The following HHIPL1 variants were observed in gnomAD, a reference collection of about 807,000 sequenced individuals.
HHIPL1 encodes the protein HHIP-like protein 1.
A neutral mutation model predicts 61.8 loss-of-function variants in HHIPL1; 43 were observed. That is an observed-to-expected ratio of 0.70 (90% CI 0.55 to 0.90). The LOEUF is 0.90. Among genes scored for constraint, HHIPL1 ranks in the 40% least tolerant of loss-of-function variants. The probability of loss-of-function intolerance (pLI) is 0.00; values close to 1 mark genes in which losing one functional copy is unlikely to be tolerated. For missense variants in HHIPL1, 1,056 were observed against 1,157.7 expected (o/e 0.91, Z 1.28); for synonymous variants, 482 against 515.8 (o/e 0.93, Z 0.89).
intron 5 of HHIPL1, among the ~76,000 whole-genome samples, chr14:99,661,413 G>GAAA (rs1455552897): frequency 8.1e-5 from 12 of 148,358 alleles, no homozygotes; most frequent in African/African-American, 2.8e-4. Context: ...AAGAGAGAGA[G>GAAA]AGAGAAAAGA....
At chr14:99,629,782 C>A in the HHIPL1 span, among the ~76,000 whole-genome samples, 7 of 152,172 alleles carry the variant, frequency 4.6e-5, no homozygotes, top group African/African-American at 1.7e-4. Context: ...GGATTACAGG[C>A]GTAAGCCACC....
chr14:99,675,632 AC>A lies in HHIPL1; in HGVS notation c.*7del. 1.3e-6 allele frequency: 2 copies of A among 1,508,208 alleles called. No individual in the cohort carries two copies. The highest frequency in any genetic ancestry group is 1.8e-6 in the Non-Finnish European group (2 of 1,128,556). The allele number at this position is 1,508,208 out of a possible 1,614,324, so 93.4% of individuals were successfully genotyped here. The stretch of plus-strand genomic sequence containing the variant: ...ACCAGAACCCCGACCTGTAGGCAAC[AC>A]GCCGCTGCCCCAGGCCATCCCGCCG... On this transcript the variant is annotated 3_prime_UTR_variant, in exon 9 of 9. Transcript: ENST00000330710. This position sits in a 1 kb window ranked among gnomAD's most constrained non-coding sequence, Gnocchi z 5.4.
the HHIPL1 span, among the ~76,000 whole-genome samples, chr14:99,608,667 G>T: frequency 6.6e-6 from 1 of 152,218 alleles, no homozygotes. Context: ...AGGGTCCACT[G>T]AAAAGTGGTT....
intron 6 of HHIPL1, among the ~76,000 whole-genome samples, chr14:99,666,586 C>G (rs1417662710): frequency 6.6e-6 from 1 of 152,202 alleles, no homozygotes; most frequent in African/African-American, 2.4e-5. Flanking sequence ...GGTCGGTTGG[C>G]CAGATGAACC....
In HHIPL1 at chr14:99,675,251, G is replaced by A; in HGVS notation, c.1974G>A (p.Arg658=). Residue 658 remains arginine, a synonymous_variant, in exon 9 of 9, where the codon CGG becomes CGA. Coordinates refer to ENST00000330710, the MANE Select transcript of HHIPL1 (RefSeq NM_001127258.3). The surrounding 1 kb of genome is among the most constrained non-coding windows in gnomAD (Gnocchi z 5.4). The part of the protein sequence containing the change: ...PGSRRGGGRR[R]GRLNSASRAF... ...GCCGGAGGGGCGGCGGGCGGCGGCG[G>A]GGGCGGCTGAACTCGGCGAGCCGGG... 1 of 1,230,168 alleles carries A rather than the reference G, an allele frequency of 8.1e-7. No individual in the cohort carries two copies. 76.2% of individuals were successfully genotyped at this position (1,230,168 alleles called of 1,614,324 possible).
Position 99,677,748 on chromosome 14 carries a change from A to G in HHIPL1, c.*2122A>G, listed in dbSNP as rs2056405095. On this transcript the variant is annotated 3_prime_UTR_variant, in exon 9 of 9. Transcript: ENST00000330710. The surrounding 1 kb of genome is among the most constrained non-coding windows in gnomAD (Gnocchi z 4.3). ...AAGCTGTTTTGCTCAGAGCTGGATT[A>G]GGAGGGTTGGCAAAGGGAGCTCTGG... 6.6e-6 allele frequency: 1 copy of G among 152,248 alleles called. No individual in the cohort carries two copies. The highest frequency in any genetic ancestry group is 2.4e-5 in the African/African-American group (1 of 41,460). 9.4% of individuals were successfully genotyped at this position (152,248 alleles called of 1,614,324 possible). A position where few individuals can be genotyped will look rare whatever the true frequency, so the allele number is the denominator to read the frequency against.
chr14:99,636,165 G>A, the HHIPL1 span, among the ~76,000 whole-genome samples: 338 of 152,272 alleles, frequency 2.2e-3, 3 homozygotes, highest in East Asian at 0.018. Flanking sequence ...GGAATGACTG[G>A]CCCAGGTGGT....
At position 99,659,461 on chromosome 14, in the gene HHIPL1, C is replaced by T. The variant is rs914283199; in HGVS notation, c.1080C>T (p.Asp360=). 5 of 1,522,880 alleles carry T rather than the reference C, an allele frequency of 3.3e-6. No homozygotes were observed. Among genetic ancestry groups the T allele is most frequent in the Admixed American group, 4.0e-5 (2 of 49,962 alleles). The allele number at this position is 1,522,880 out of a possible 1,614,324, so 94.3% of individuals were successfully genotyped here. A position where few individuals can be genotyped will look rare whatever the true frequency, so the allele number is the denominator to read the frequency against. ...SALLGKVLRI[D]VDRKERGLPY... ...TGCTGGGCAAGGTGCTGCGCATCGACGTGGACCGTAAGGAGCGCGGCCTGC... is the reference window on the plus strand; with the variant it reads ...TGCTGGGCAAGGTGCTGCGCATCGATGTGGACCGTAAGGAGCGCGGCCTGC... The change falls in exon 4 of 9, where the codon GAC becomes GAT. Residue 360 remains aspartate, a synonymous_variant. Transcript: ENST00000330710.
intron 3 of HHIPL1, 42 bp downstream of exon 3, chr14:99,657,185 T>A (rs752682479): frequency 6.2e-7 from 1 of 1,601,248 alleles, no homozygotes; most frequent in Non-Finnish European, 8.5e-7. Context: ...GGTCTCCATA[T>A]CCCTGGGCTT....
At chr14:99,674,988 G>A (rs1362965729) in intron 8 of HHIPL1, 103 bp from the exon 9 acceptor site, 2 of 549,526 alleles carry the variant, frequency 3.6e-6, no homozygotes, top group African/African-American at 2.1e-5. Flanking sequence ...ATCCTTCCCC[G>A]AGTCTGCGCT....
the HHIPL1 span, among the ~76,000 whole-genome samples, chr14:99,617,813 C>G: frequency 2.6e-5 from 4 of 152,278 alleles, no homozygotes; most frequent in Admixed American, 6.5e-5. Context: ...CCATTCATTT[C>G]CAGTTTGCAA....
the HHIPL1 span, among the ~76,000 whole-genome samples, chr14:99,630,754 A>C: frequency 6.6e-6 from 1 of 151,812 alleles, no homozygotes; most frequent in South Asian, 2.1e-4. Context: ...TTCCCTTGCC[A>C]TTCTGGAGGT....
chr14:99,650,933 T>C (rs1047628357), intron 1 of HHIPL1, among the ~76,000 whole-genome samples: 1 of 152,154 alleles, frequency 6.6e-6, no homozygotes, highest in Non-Finnish European at 1.5e-5. Context: ...GAGTATGTAT[T>C]AGTCTCTTCT....
chr14:99,635,941 C>T, the HHIPL1 span, among the ~76,000 whole-genome samples: 1 of 152,180 alleles, frequency 6.6e-6, no homozygotes, highest in Non-Finnish European at 1.5e-5. Context: ...GCATCGGTCT[C>T]AGAGGGTCTC....
the HHIPL1 span, among the ~76,000 whole-genome samples, chr14:99,609,387 A>G: frequency 2.0e-5 from 3 of 152,174 alleles, no homozygotes; most frequent in African/African-American, 7.2e-5. Flanking sequence ...TCTTCCCATG[A>G]GGATATTTCT....
At chr14:99,620,512 G>A in the HHIPL1 span, among the ~76,000 whole-genome samples, 81 of 152,360 alleles carry the variant, frequency 5.3e-4, 1 homozygote, top group African/African-American at 1.8e-3. Context: ...CACGAGAAGA[G>A]GGGTGTCCAG....
intron 5 of HHIPL1, among the ~76,000 whole-genome samples, chr14:99,662,059 G>A (rs1000679046): frequency 2.0e-5 from 3 of 152,120 alleles, no homozygotes; most frequent in Non-Finnish European, 4.4e-5. Context: ...CTTCCCAGGA[G>A]AGCCCAAGTC....
intron 1 of HHIPL1, among the ~76,000 whole-genome samples, chr14:99,649,920 C>A (rs2055898985): frequency 6.6e-6 from 1 of 152,252 alleles, no homozygotes; most frequent in African/African-American, 2.4e-5. Flanking sequence ...CAGGTGGTTC[C>A]CAGTGAACCA....
In HHIPL1 at chr14:99,668,437, G is replaced by A; in HGVS notation, c.1730+134G>A. ...TTTCAGACAAGAACCCTGAGGCCCAGAGAGGGACGTGATTTGCCTCAGTTC... is the reference window on the plus strand; with the variant it reads ...TTTCAGACAAGAACCCTGAGGCCCAAAGAGGGACGTGATTTGCCTCAGTTC... On this transcript the variant is annotated intron_variant, in intron 7 of 8. Transcript: ENST00000330710. The surrounding 1 kb of genome is among the most constrained non-coding windows in gnomAD (Gnocchi z 4.7). 1 of 652,092 alleles carries A rather than the reference G, an allele frequency of 1.5e-6. No homozygotes were observed. The highest frequency in any genetic ancestry group is 1.7e-5 in the South Asian group (1 of 57,656). The allele number at this position is 652,092 out of a possible 1,614,324, so 40.4% of individuals were successfully genotyped here. A position where few individuals can be genotyped will look rare whatever the true frequency, so the allele number is the denominator to read the frequency against.
Sources: gnomAD v4.1 joint callset for allele counts (sites outside exome capture counted in the v4.1 genomes callset) on GRCh38, gnomAD v4.1.1 for gene constraint, Gnocchi (gnomAD v3.1) non-coding constraint, MANE v1.5 for transcripts, NCBI Gene and HGNC (gene_info 2026-07-23, HGNC 2026-07-21) for gene names.